PRKCA: variants seen among roughly 807,000 people sequenced by gnomAD.
PRKCA encodes protein kinase C alpha.
A neutral mutation model predicts 87.0 loss-of-function variants in PRKCA; 27 were observed. The ratio of observed to expected loss-of-function variants is 0.31; its 90% CI spans 0.23 to 0.43. The LOEUF is 0.43. PRKCA is among the 20% of genes least tolerant of loss of function. The probability of loss-of-function intolerance (pLI) is 1.00; values close to 1 mark genes in which losing one functional copy is unlikely to be tolerated. For synonymous variants in PRKCA, 329 were observed against 311.1 expected (o/e 1.06, Z -0.61); for missense variants, 518 against 852.3 (o/e 0.61, Z 4.88).
intron 2 of PRKCA, among the ~76,000 whole-genome samples, chr17:66,435,524 A>G (rs1045423407): frequency 9.9e-5 from 15 of 152,182 alleles, no homozygotes; most frequent in South Asian, 2.1e-4. Flanking sequence ...TAAGGTATCT[A>G]TGTTCCATAA....
intron 16 of PRKCA, among the ~76,000 whole-genome samples, chr17:66,797,461 T>C (rs1279695205): frequency 5.3e-5 from 8 of 152,198 alleles, no homozygotes; most frequent in Admixed American, 5.2e-4. Context: ...TAACGTTCCT[T>C]CGTCCCTCAG....
At chr17:66,428,577 C>T (rs907713547) in intron 2 of PRKCA, among the ~76,000 whole-genome samples, 1 of 151,230 alleles carries the variant, frequency 6.6e-6, no homozygotes. Flanking sequence ...AATCTTGGCT[C>T]ACTGCAACCT....
chr17:66,728,705 G>A (rs553601634), intron 8 of PRKCA, among the ~76,000 whole-genome samples: 1 of 152,344 alleles, frequency 6.6e-6, no homozygotes, highest in South Asian at 2.1e-4. Flanking sequence ...ATGGCAAAGT[G>A]TGTAAAAAGG....
At chr17:66,564,840 C>G (rs535279123) in intron 3 of PRKCA, among the ~76,000 whole-genome samples, 73 of 152,204 alleles carry the variant, frequency 4.8e-4, no homozygotes, top group African/African-American at 1.7e-3. Flanking sequence ...ATTAGCCGGA[C>G]GCAGTGGCAG....
intron 2 of PRKCA, among the ~76,000 whole-genome samples, chr17:66,311,760 T>C (rs1488892754): frequency 6.6e-6 from 1 of 152,216 alleles, no homozygotes; most frequent in Non-Finnish European, 1.5e-5. Context: ...TATATACTTG[T>C]TATAAAATGA....
intron 8 of PRKCA, among the ~76,000 whole-genome samples, chr17:66,726,235 C>T (rs1378703810): frequency 1.3e-5 from 2 of 151,924 alleles, no homozygotes; most frequent in Admixed American, 6.6e-5. Context: ...GGACAGAAAG[C>T]GCAGGTGTTC....
intron 16 of PRKCA, chr17:66,796,598 C>G (rs967076274): frequency 3.0e-6 from 3 of 985,150 alleles, no homozygotes; most frequent in Non-Finnish European, 3.6e-6. Context: ...GCACGTAGCC[C>G]GTTCCCTGAG....
intron 3 of PRKCA, among the ~76,000 whole-genome samples, chr17:66,615,467 T>C (rs1426226671): frequency 6.6e-6 from 1 of 151,862 alleles, no homozygotes; most frequent in Non-Finnish European, 1.5e-5. Context: ...GGATCTAGGG[T>C]TCTAAACATC....
chr17:66,701,385 G>A (rs566779184), intron 8 of PRKCA, among the ~76,000 whole-genome samples: 1 of 152,212 alleles, frequency 6.6e-6, no homozygotes, highest in South Asian at 2.1e-4. Flanking sequence ...CATGACATTG[G>A]TCTTGACAAT....
intron 13 of PRKCA, among the ~76,000 whole-genome samples, chr17:66,765,287 C>T (rs1437496929): frequency 6.6e-6 from 1 of 151,152 alleles, no homozygotes; most frequent in Admixed American, 6.6e-5. Context: ...ATGATGGGTG[C>T]CTATAATCCC....
At chr17:66,466,776 G>T (rs376421891) in intron 2 of PRKCA, among the ~76,000 whole-genome samples, 1 of 152,010 alleles carries the variant, frequency 6.6e-6, no homozygotes, top group African/African-American at 2.4e-5. Context: ...GTGGTGCTAA[G>T]ATTAGCAGTA....
intron 2 of PRKCA, among the ~76,000 whole-genome samples, chr17:66,482,126 GAAA>G (rs376872193): frequency 7.0e-6 from 1 of 142,514 alleles, no homozygotes; most frequent in Non-Finnish European, 1.5e-5. Flanking sequence ...AAGAAAAAAA[GAAA>G]AAAAAGAAAG....
At chr17:66,354,149 T>A (rs1329585151) in intron 2 of PRKCA, among the ~76,000 whole-genome samples, 2 of 152,204 alleles carry the variant, frequency 1.3e-5, no homozygotes, top group Non-Finnish European at 2.9e-5. Context: ...CTTGAGTTGG[T>A]TGGTGTGTAT....
At position 66,620,090 on chromosome 17, in the gene PRKCA, T is replaced by C. The variant is rs1970632935; in HGVS notation, c.289-21265T>C. 2.0e-5 allele frequency among the ~76,000 whole-genome samples: 3 copies of C among 152,246 alleles called. No individual in the cohort carries two copies. In the South Asian group the frequency reaches 6.2e-4, roughly 32 times the overall value. ...AAGCACATGCTCCATACAGAATGGG[T>C]CATGCAGCTTTCAAAGAGCAGCCCT... is the stretch of plus-strand genomic sequence containing the variant. On this transcript the variant is annotated intron_variant, in intron 3 of 16. Coordinates refer to ENST00000413366, the MANE Select transcript of PRKCA (RefSeq NM_002737.3).
intron 8 of PRKCA, among the ~76,000 whole-genome samples, chr17:66,704,279 A>C (rs1345194950): frequency 6.6e-6 from 1 of 152,180 alleles, no homozygotes; most frequent in Non-Finnish European, 1.5e-5. Flanking sequence ...CTGTCCCATA[A>C]ATTAGTGCTG....
chr17:66,803,673 G>T lies in PRKCA; in HGVS notation c.1855-200G>T, dbSNP rs905571383. 3.3e-5 allele frequency among the ~76,000 whole-genome samples: 5 copies of T among 152,138 alleles called. No individual in the cohort carries two copies. Among genetic ancestry groups the T allele is most frequent in the Admixed American group, 6.5e-5 (1 of 15,276 alleles). On this transcript the variant is annotated intron_variant, in intron 16 of 16. Transcript: ENST00000413366. This position sits in a 1 kb window ranked among gnomAD's most constrained non-coding sequence, Gnocchi z 4.4. ...AGGGCTTCTGTTCGGGGTGTTTCAG[G>T]GTTTACAGTTGGGTAACTCGTTGTT...
intron 16 of PRKCA, 66 bp downstream of exon 16, chr17:66,789,045 A>C: frequency 6.3e-7 from 1 of 1,582,264 alleles, no homozygotes. Flanking sequence ...TATCCCACTC[A>C]CCTCTTTTCT....
At chr17:66,397,611 G>A (rs1295837911) in intron 2 of PRKCA, among the ~76,000 whole-genome samples, 1 of 151,944 alleles carries the variant, frequency 6.6e-6, no homozygotes, top group Non-Finnish European at 1.5e-5. Flanking sequence ...GTTTGTCGTT[G>A]CCCTTTTTCT....
chr17:66,604,089 C>T (rs1970138243), intron 3 of PRKCA, among the ~76,000 whole-genome samples: 1 of 152,190 alleles, frequency 6.6e-6, no homozygotes, highest in Admixed American at 6.5e-5. Flanking sequence ...CCGGCTGTCG[C>T]TCCCTGCCTC....
Sources: gnomAD v4.1 joint callset for allele counts (sites outside exome capture counted in the v4.1 genomes callset) on GRCh38, gnomAD v4.1.1 for gene constraint, Gnocchi (gnomAD v3.1) non-coding constraint, MANE v1.5 for transcripts, NCBI Gene and HGNC (gene_info 2026-07-23, HGNC 2026-07-21) for gene names.